Variants in CNTN6 observed in about 807,000 individuals in gnomAD.
The protein encoded by CNTN6 is contactin-6.
A neutral mutation model predicts 122.8 loss-of-function variants in CNTN6; 137 were observed. The observed-to-expected ratio is 1.12, with a 90% CI of 0.97 to 1.29. The LOEUF is 1.29. CNTN6 is among the 50% of genes most tolerant of loss of function. CNTN6 has a pLI of 0.00. For missense variants in CNTN6, 1,634 were observed against 1,223.4 expected (o/e 1.34, Z -5.01); for synonymous variants, 570 against 426.0 (o/e 1.34, Z -4.16).
At chr3:1,381,155 C>G (rs1488206139) in intron 17 of CNTN6, among the ~76,000 whole-genome samples, 1 of 152,158 alleles carries the variant, frequency 6.6e-6, no homozygotes, top group Non-Finnish European at 1.5e-5. Flanking sequence ...TGTAGATGAA[C>G]TGACTAAGCA....
In CNTN6 at chr3:1,201,099, TTGTGTGTGTGTGTG is replaced by T. The variant is rs57028088; in HGVS notation, c.56-19554_56-19541del. 3.5e-3 allele frequency among the ~76,000 whole-genome samples: 454 copies of T among 130,090 alleles called. 1 individual carries two copies. The highest frequency in any genetic ancestry group is 5.5e-3 in the African/African-American group (191 of 34,948). The allele number at this position is 130,090 out of a possible 152,430, so 85.3% of individuals were successfully genotyped here. On this transcript the variant is annotated intron_variant, in intron 2 of 22. Coordinates refer to ENST00000446702, the MANE Select transcript of CNTN6 (RefSeq NM_001289080.2). Reference sequence around the variant, plus strand: ...GGCACCACTGTGCCCAGCTAACATTTTGTGTGTGTGTGTGTGTGTGTGTGTGTGTGTGTGTGTGT... The same window carrying T: ...GGCACCACTGTGCCCAGCTAACATTTTGTGTGTGTGTGTGTGTGTGTGTGT...
chr3:1,350,637 T>C (rs1705477449), intron 11 of CNTN6, among the ~76,000 whole-genome samples: 1 of 151,820 alleles, frequency 6.6e-6, no homozygotes, highest in African/African-American at 2.4e-5. Flanking sequence ...CACACTTGAA[T>C]TATTCCTTTC....
At chr3:1,285,891 A>G (rs1239042422) in intron 5 of CNTN6, among the ~76,000 whole-genome samples, 1 of 152,194 alleles carries the variant, frequency 6.6e-6, no homozygotes, top group Non-Finnish European at 1.5e-5. Flanking sequence ...AGAGAGGTCT[A>G]CTGATTTGCC....
intron 12 of CNTN6, among the ~76,000 whole-genome samples, chr3:1,362,773 TA>T (rs1347279181): frequency 4.0e-5 from 2 of 50,258 alleles, no homozygotes. Flanking sequence ...AGATACTTTT[TA>T]AAAACTGAAA....
intron 7 of CNTN6, among the ~76,000 whole-genome samples, chr3:1,307,086 A>G (rs1435806616): frequency 6.6e-6 from 1 of 152,184 alleles, no homozygotes; most frequent in East Asian, 1.9e-4. Context: ...GATAAAGAAG[A>G]TTACATAAAG....
intron 7 of CNTN6, among the ~76,000 whole-genome samples, chr3:1,317,243 C>T (rs262809): frequency 0.45 from 67,586 of 151,228 alleles, 18,095 homozygotes; most frequent in African/African-American, 0.73. Context: ...GTTGTTTTTT[C>T]TTGCTGTGAG....
chr3:1,243,424 G>A (rs1005576721), intron 4 of CNTN6, among the ~76,000 whole-genome samples: 5 of 152,238 alleles, frequency 3.3e-5, no homozygotes, highest in South Asian at 2.1e-4. Flanking sequence ...CCTTGAAGAC[G>A]AGGTTAATTA....
chr3:1,302,764 T>G (rs974703006), intron 7 of CNTN6, among the ~76,000 whole-genome samples: 3 of 152,184 alleles, frequency 2.0e-5, no homozygotes, highest in African/African-American at 7.2e-5. Context: ...TCTTGCTTTG[T>G]TTTCTCTGAA....
At chr3:1,322,380 A>G (rs578076168) in intron 8 of CNTN6, among the ~76,000 whole-genome samples, 64 of 151,808 alleles carry the variant, frequency 4.2e-4, no homozygotes, top group African/African-American at 1.3e-3. Flanking sequence ...ATGAATGCAT[A>G]TATTATCTAA....
intron 2 of CNTN6, among the ~76,000 whole-genome samples, chr3:1,205,837 G>T (rs952522277): frequency 2.6e-5 from 4 of 152,086 alleles, no homozygotes; most frequent in Non-Finnish European, 5.9e-5. Context: ...CTTACCATGG[G>T]TAAATTGGAT....
At chr3:1,258,740 T>C (rs1041216007) in intron 4 of CNTN6, among the ~76,000 whole-genome samples, 1 of 152,122 alleles carries the variant, frequency 6.6e-6, no homozygotes, top group Non-Finnish European at 1.5e-5. Flanking sequence ...TTGGCATACT[T>C]AGGTTCAGGT....
chr3:1,282,041 G>A (rs940304325), intron 5 of CNTN6, among the ~76,000 whole-genome samples: 1 of 151,374 alleles, frequency 6.6e-6, no homozygotes, highest in South Asian at 2.1e-4. Flanking sequence ...AAAAAGTATC[G>A]ACATGGCTAA....
chr3:1,167,170 C>T (rs1262627361), intron 2 of CNTN6, among the ~76,000 whole-genome samples: 2 of 151,690 alleles, frequency 1.3e-5, no homozygotes, highest in South Asian at 2.1e-4. Context: ...AACAAACAAA[C>T]AAAAACACCT....
At chr3:1,295,389 G>A (rs1031726877) in intron 5 of CNTN6, among the ~76,000 whole-genome samples, 2 of 152,082 alleles carry the variant, frequency 1.3e-5, no homozygotes, top group South Asian at 4.1e-4. Context: ...CAATGATGGG[G>A]AAAGTGCCCA....
chr3:1,362,857 A>G (rs558078884), intron 12 of CNTN6, among the ~76,000 whole-genome samples: 6 of 151,898 alleles, frequency 4.0e-5, no homozygotes, highest in African/African-American at 1.4e-4. Context: ...CTAGCTAAGC[A>G]CACAGTAGCA....
chr3:1,214,982 C>A (rs2094110131), intron 2 of CNTN6, among the ~76,000 whole-genome samples: 2 of 152,156 alleles, frequency 1.3e-5, no homozygotes, highest in Non-Finnish European at 2.9e-5. Flanking sequence ...CGGTCTCAAA[C>A]TCTTAGCCTC....
At chr3:1,240,402 A>C (rs562997194) in intron 4 of CNTN6, among the ~76,000 whole-genome samples, 1 of 152,358 alleles carries the variant, frequency 6.6e-6, no homozygotes, top group South Asian at 2.1e-4. Context: ...TACAAATGGC[A>C]AGCAAGCACA....
At chr3:1,204,371 A>C (rs2093928776) in intron 2 of CNTN6, among the ~76,000 whole-genome samples, 1 of 152,212 alleles carries the variant, frequency 6.6e-6, no homozygotes, top group African/African-American at 2.4e-5. Flanking sequence ...GTGTTCTAAA[A>C]TTGGGAAAGT....
At chr3:1,174,090 C>G (rs184714924) in intron 2 of CNTN6, among the ~76,000 whole-genome samples, 9 of 152,312 alleles carry the variant, frequency 5.9e-5, no homozygotes, top group African/African-American at 2.2e-4. Context: ...TAGTGTCTCT[C>G]TCCAGAGACT....
Sources: allele counts gnomAD v4.1 joint callset (sites outside exome capture counted in the v4.1 genomes callset), GRCh38; gene constraint gnomAD v4.1.1; transcripts MANE v1.5; gene names NCBI Gene and HGNC (gene_info 2026-07-23, HGNC 2026-07-21).